DTD1: variants seen among roughly 807,000 people sequenced by gnomAD.
The protein encoded by DTD1 is D-tyrosyl-tRNA deacylase 1 homolog.
A neutral mutation model predicts 25.6 loss-of-function variants in DTD1; 13 were observed. That is an observed-to-expected ratio of 0.51 (90% CI 0.33 to 0.81). The LOEUF (loss-of-function observed/expected upper bound fraction) is 0.81. DTD1 is among the 30% of genes least tolerant of loss of function. The probability of loss-of-function intolerance (pLI) is 0.02; values close to 1 mark genes in which losing one functional copy is unlikely to be tolerated. For synonymous variants in DTD1, 110 were observed against 103.6 expected, an observed-to-expected ratio of 1.06 and a Z score of -0.37; for missense variants, 193 against 266.4, an observed-to-expected ratio of 0.72 and a Z score of 1.92.
chr20:18,599,512 A>C (rs1377188665), intron 3 of DTD1, among the ~76,000 whole-genome samples: 4 of 152,168 alleles, frequency 2.6e-5, no homozygotes, highest in Non-Finnish European at 4.4e-5. Flanking sequence ...TATGTATATA[A>C]GTTTTCAGCT....
At chr20:18,613,242 G>GTA (rs1244781692) in intron 3 of DTD1, among the ~76,000 whole-genome samples, 1 of 152,188 alleles carries the variant, frequency 6.6e-6, no homozygotes, top group Non-Finnish European at 1.5e-5. Flanking sequence ...TAGGCTCTGG[G>GTA]TATACAGTGC....
intron 3 of DTD1, among the ~76,000 whole-genome samples, chr20:18,598,859 A>G (rs1447012646): frequency 6.6e-6 from 1 of 151,644 alleles, no homozygotes; most frequent in South Asian, 2.1e-4. Flanking sequence ...CTGGCTATTC[A>G]TCCGTCTCTC....
chr20:18,694,446 A>C (rs1302811492), intron 4 of DTD1, among the ~76,000 whole-genome samples: 1 of 152,206 alleles, frequency 6.6e-6, no homozygotes, highest in Admixed American at 6.5e-5. Flanking sequence ...TGAGGCGTTT[A>C]GAACGTGTTC....
intron 3 of DTD1, among the ~76,000 whole-genome samples, chr20:18,615,565 A>C (rs527693566): frequency 1.3e-5 from 2 of 152,184 alleles, no homozygotes; most frequent in Non-Finnish European, 2.9e-5. Context: ...TATAGTTAGA[A>C]AAAAAACAAG....
At chr20:18,719,245 A>ATGTGTG (rs34218213) in intron 4 of DTD1, among the ~76,000 whole-genome samples, 155 of 149,174 alleles carry the variant, frequency 1.0e-3, no homozygotes, top group Admixed American at 1.9e-3. Flanking sequence ...GTATATATAT[A>ATGTGTG]TGTGTGTGTG....
At chr20:18,648,977 CAGAG>C (rs1440649914) in intron 4 of DTD1, among the ~76,000 whole-genome samples, 1 of 75,060 alleles carries the variant, frequency 1.3e-5, no homozygotes, top group African/African-American at 5.4e-5. Flanking sequence ...GCCTGGGCAA[CAGAG>C]AAAGACTCCA....
At chr20:18,641,880 C>A (rs544883503) in intron 4 of DTD1, among the ~76,000 whole-genome samples, 1 of 152,028 alleles carries the variant, frequency 6.6e-6, no homozygotes, top group Admixed American at 6.6e-5. Flanking sequence ...AAATCCAATT[C>A]GTCTGTTTTT....
chr20:18,697,591 A>G (rs2061083122), intron 4 of DTD1, among the ~76,000 whole-genome samples: 1 of 152,104 alleles, frequency 6.6e-6, no homozygotes, highest in Non-Finnish European at 1.5e-5. Context: ...TTTGAGTACA[A>G]CCTTTCAGGA....
chr20:18,751,703 A>G (rs116679893), intron 5 of DTD1, among the ~76,000 whole-genome samples: 2,806 of 152,164 alleles, frequency 0.018, 49 homozygotes, highest in African/African-American at 0.048. Flanking sequence ...CATGTTGGCC[A>G]GGTTGCTTTT....
intron 4 of DTD1, among the ~76,000 whole-genome samples, chr20:18,741,101 C>T (rs2061276171): frequency 1.3e-5 from 2 of 152,152 alleles, no homozygotes; most frequent in Admixed American, 1.3e-4. Context: ...CAGGCCATGG[C>T]GAAACAAAGA....
At position 18,628,206 on chromosome 20, in the gene DTD1, C is replaced by G. The variant is rs552269007; in HGVS notation, c.450C>G (p.Pro150=). Reference sequence around the variant, plus strand: ...CCATAGAGCTGGAATCGCCAGCTCCCGGCACTGCTACCTCTGACCCAAAGC... The same window carrying G: ...CCATAGAGCTGGAATCGCCAGCTCCGGGCACTGCTACCTCTGACCCAAAGC... The part of the protein sequence containing the change: ...PVTIELESPA[P]GTATSDPKQL... The change falls in exon 4 of 6, where the codon CCC becomes CCG. Residue 150 remains proline, a synonymous_variant. Coordinates refer to ENST00000377452, the MANE Select transcript of DTD1 (RefSeq NM_080820.6). The G allele has an allele frequency of 4.3e-6, 7 of 1,613,766 alleles. No homozygotes were observed. In the South Asian group the frequency reaches 4.4e-5, roughly 10 times the overall value.
At chr20:18,721,631 A>G (rs2122492959) in intron 4 of DTD1, among the ~76,000 whole-genome samples, 1 of 152,298 alleles carries the variant, frequency 6.6e-6, no homozygotes, top group African/African-American at 2.4e-5. Context: ...TCTGATTAGA[A>G]CGATCTGTTC....
chr20:18,599,996 T>C (rs1470740148), intron 3 of DTD1, among the ~76,000 whole-genome samples: 1 of 152,246 alleles, frequency 6.6e-6, no homozygotes, highest in African/African-American at 2.4e-5. Context: ...ATATTCAATT[T>C]ACAAATATTT....
intron 4 of DTD1, among the ~76,000 whole-genome samples, chr20:18,730,706 G>A (rs1408861490): frequency 1.3e-5 from 2 of 152,116 alleles, no homozygotes; most frequent in East Asian, 3.8e-4. Flanking sequence ...TTTGGCATTT[G>A]TATAACTCAT....
intron 4 of DTD1, among the ~76,000 whole-genome samples, chr20:18,735,342 C>T (rs866992957): frequency 3.3e-5 from 5 of 152,208 alleles, no homozygotes; most frequent in African/African-American, 4.8e-5. Context: ...CTGTCCTGGA[C>T]CTGTGGCAGT....
At position 18,620,401 on chromosome 20, in the gene DTD1, A is replaced by T. The variant is rs145260424; in HGVS notation, c.371-7726A>T. Among the ~76,000 whole-genome samples the T allele has an allele frequency of 4.6e-5, 7 of 152,244 alleles. No homozygotes were observed. The East Asian group carries it at 7.7e-4, about 17-fold the overall frequency. ...TAATTTCACTTCCTAACCCCAACCTATGCCACTGTGGGCTTACCTATCTCA... is the reference window on the plus strand; with the variant it reads ...TAATTTCACTTCCTAACCCCAACCTTTGCCACTGTGGGCTTACCTATCTCA... On this transcript the variant is annotated intron_variant, in intron 3 of 5. Coordinates refer to ENST00000377452, the MANE Select transcript of DTD1 (RefSeq NM_080820.6).
chr20:18,734,112 A>G (rs1378086459), intron 4 of DTD1, among the ~76,000 whole-genome samples: 1 of 152,236 alleles, frequency 6.6e-6, no homozygotes, highest in Non-Finnish European at 1.5e-5. Context: ...GAGGTAATGT[A>G]CGGATGTAGG....
chr20:18,598,595 T>TCATGC (rs1362591249), intron 3 of DTD1, among the ~76,000 whole-genome samples: 2 of 151,868 alleles, frequency 1.3e-5, no homozygotes, highest in African/African-American at 4.8e-5. Flanking sequence ...CCTCCCGGGC[T>TCATGC]CATGCCATTC....
At chr20:18,663,529 T>G (rs551321519) in intron 4 of DTD1, among the ~76,000 whole-genome samples, 1 of 152,222 alleles carries the variant, frequency 6.6e-6, no homozygotes, top group African/African-American at 2.4e-5. Context: ...TTCATCTATA[T>G]ATCCACATGA....
Sources: allele counts gnomAD v4.1 joint callset (sites outside exome capture counted in the v4.1 genomes callset), GRCh38; gene constraint gnomAD v4.1.1; transcripts MANE v1.5; gene names NCBI Gene and HGNC (gene_info 2026-07-23, HGNC 2026-07-21).